HDAC9: variants seen among roughly 807,000 people sequenced by gnomAD.
HDAC9 encodes the protein histone deacetylase 9.
In HDAC9, 41 loss-of-function variants were observed where a neutral mutation model predicts 139.4. The observed-to-expected ratio is 0.29, with a 90% CI of 0.23 to 0.38. The LOEUF is 0.38. Among genes scored for constraint, HDAC9 ranks in the 10% least tolerant of loss-of-function variants. The pLI is 1.00. For missense variants in HDAC9, 1,147 were observed against 1,297.0 expected (o/e 0.88, Z 1.78); for synonymous variants, 517 against 476.2 (o/e 1.09, Z -1.12).
chr7:18,255,293 A>G (rs1795159381), intron 2 of HDAC9, among the ~76,000 whole-genome samples: 1 of 152,206 alleles, frequency 6.6e-6, no homozygotes, highest in Non-Finnish European at 1.5e-5. Flanking sequence ...GGAGACAGAT[A>G]AGTGGTATAA....
At chr7:18,804,870 C>T (rs1196655124) in intron 17 of HDAC9, among the ~76,000 whole-genome samples, 1 of 152,200 alleles carries the variant, frequency 6.6e-6, no homozygotes, top group South Asian at 2.1e-4. Context: ...TCTCTGCTCA[C>T]TGCAACCTCT....
intron 12 of HDAC9, among the ~76,000 whole-genome samples, chr7:18,670,095 G>A (rs761173504): frequency 4.6e-5 from 7 of 151,802 alleles, no homozygotes; most frequent in Non-Finnish European, 7.4e-5. Flanking sequence ...TAATTGAAGT[G>A]TACAATTTTG....
At chr7:18,164,696 C>T (rs1787878862) in intron 2 of HDAC9, among the ~76,000 whole-genome samples, 1 of 152,188 alleles carries the variant, frequency 6.6e-6, no homozygotes, top group Non-Finnish European at 1.5e-5. Flanking sequence ...ATATGAAATA[C>T]AAAATGCCGC....
intron 6 of HDAC9, among the ~76,000 whole-genome samples, chr7:18,620,056 G>A (rs1839797046): frequency 6.6e-6 from 1 of 152,134 alleles, no homozygotes; most frequent in South Asian, 2.1e-4. Context: ...TTCTCTGGGG[G>A]AGTTGCCTCA....
At chr7:18,648,833 AC>A in intron 11 of HDAC9, 150 bp downstream of exon 11, 1 of 673,790 alleles carries the variant, frequency 1.5e-6, no homozygotes, top group Non-Finnish European at 2.5e-6. Context: ...GCTCAAGGAC[AC>A]CATCACAATA....
At chr7:18,763,590 C>A (rs1442454804) in intron 15 of HDAC9, among the ~76,000 whole-genome samples, 1 of 152,164 alleles carries the variant, frequency 6.6e-6, no homozygotes, top group East Asian at 1.9e-4. Flanking sequence ...TCTGTACATG[C>A]AGATACTTTA....
rs550873218 is a variant in HDAC9 at position 18,887,343 on chromosome 7, C to A, written c.2803+12747C>A. On this transcript the variant is annotated intron_variant, in intron 22 of 25. Transcript: ENST00000686413. ...ATGCTGATACTCCTGATCTAGGGAC[C>A]AGGCTTTGAGAACCACTGGGCTAGT... Among the ~76,000 whole-genome samples the A allele has an allele frequency of 1.3e-4, 20 of 152,230 alleles. No individual in the cohort carries two copies. In the South Asian group the frequency reaches 3.9e-3, roughly 30 times the overall value.
chr7:18,658,394 C>G (rs1791982377), intron 11 of HDAC9, among the ~76,000 whole-genome samples: 1 of 152,084 alleles, frequency 6.6e-6, no homozygotes, highest in Admixed American at 6.6e-5. Context: ...GAAATATTAG[C>G]AAGTTTTGAG....
At chr7:18,170,003 C>T (rs1788299574) in intron 2 of HDAC9, among the ~76,000 whole-genome samples, 1 of 152,090 alleles carries the variant, frequency 6.6e-6, no homozygotes, top group African/African-American at 2.4e-5. Flanking sequence ...TCAAATGGTA[C>T]TTCTAGTTCT....
intron 2 of HDAC9, among the ~76,000 whole-genome samples, chr7:18,496,920 A>G (rs889529537): frequency 6.6e-6 from 1 of 152,250 alleles, no homozygotes; most frequent in Admixed American, 6.5e-5. Flanking sequence ...ATTTTCTTCA[A>G]AAACATGTGG....
In HDAC9 at chr7:18,749,154, A is replaced by C; in HGVS notation, c.2043+16A>C. 1 of 1,612,646 alleles carries C rather than the reference A, an allele frequency of 6.2e-7. No homozygotes were observed. Among genetic ancestry groups the C allele is most frequent in the South Asian group, 1.1e-5 (1 of 90,734 alleles). On this transcript the variant is annotated intron_variant, in intron 14 of 25. Coordinates refer to ENST00000686413, the MANE Select transcript of HDAC9 (RefSeq NM_178425.4). ...TAAATGTGAGGTAATCCAGAATTGG[A>C]CACACTCTTTTACTTACTTAAATAA...
At chr7:18,125,718 C>T (rs1363612490) in intron 1 of HDAC9, among the ~76,000 whole-genome samples, 1 of 151,970 alleles carries the variant, frequency 6.6e-6, no homozygotes, top group African/African-American at 2.4e-5. Context: ...CTACTCTGCC[C>T]TTGTAGCAGA....
chr7:18,276,271 C>T (rs1465393082), intron 2 of HDAC9, among the ~76,000 whole-genome samples: 1 of 152,054 alleles, frequency 6.6e-6, no homozygotes, highest in Non-Finnish European at 1.5e-5. Flanking sequence ...ATAGGTAGCT[C>T]AGAGTAATGA....
At chr7:18,869,447 C>T (rs866883602) in intron 21 of HDAC9, among the ~76,000 whole-genome samples, 4 of 152,020 alleles carry the variant, frequency 2.6e-5, no homozygotes, top group Middle Eastern at 3.2e-3. Flanking sequence ...TGTAAGTTTC[C>T]TGAGGCCTCC....
intron 25 of HDAC9, among the ~76,000 whole-genome samples, chr7:18,994,205 G>A (rs1032258713): frequency 1.3e-5 from 2 of 152,144 alleles, no homozygotes; most frequent in East Asian, 1.9e-4. Flanking sequence ...TCCTGGATTC[G>A]GGGGAAAAGA....
At chr7:18,791,748 T>A (rs944332321) in intron 16 of HDAC9, among the ~76,000 whole-genome samples, 5 of 152,160 alleles carry the variant, frequency 3.3e-5, no homozygotes, top group Non-Finnish European at 7.4e-5. Context: ...TAAGCCACAG[T>A]GTACTCATTC....
chr7:18,464,644 G>T (rs1794118270), intron 1 of HDAC9, among the ~76,000 whole-genome samples: 1 of 151,914 alleles, frequency 6.6e-6, no homozygotes, highest in South Asian at 2.1e-4. Flanking sequence ...AGGGAGCATT[G>T]CTATACAGTA....
At chr7:18,351,978 A>G (rs886105989) in intron 1 of HDAC9, among the ~76,000 whole-genome samples, 5 of 152,226 alleles carry the variant, frequency 3.3e-5, no homozygotes, top group Non-Finnish European at 7.3e-5. Flanking sequence ...AACAGAACAG[A>G]ACTAGATCAC....
At chr7:18,672,668 A>G (rs1396603834) in intron 12 of HDAC9, among the ~76,000 whole-genome samples, 1 of 152,062 alleles carries the variant, frequency 6.6e-6, no homozygotes, top group African/African-American at 2.4e-5. Flanking sequence ...TTGCCTTCTT[A>G]GAGTTTCATT....
Sources: gnomAD v4.1 joint callset for allele counts (sites outside exome capture counted in the v4.1 genomes callset) on GRCh38, gnomAD v4.1.1 for gene constraint, MANE v1.5 for transcripts, NCBI Gene and HGNC (gene_info 2026-07-23, HGNC 2026-07-21) for gene names.